UGP2: variants seen among roughly 807,000 people sequenced by gnomAD.
The protein encoded by UGP2 is UDP-glucose pyrophosphorylase 2.
UGP2 carries 40 observed loss-of-function variants against 49.0 expected under a neutral mutation model. The observed-to-expected ratio is 0.82, with a 90% CI of 0.63 to 1.06. UGP2 has a LOEUF of 1.06. Among genes scored for constraint, UGP2 ranks in the 50% least tolerant of loss-of-function variants. The pLI is 0.00. For missense variants in UGP2, 460 were observed against 603.5 expected (o/e 0.76, Z 2.49); for synonymous variants, 225 against 213.0 (o/e 1.06, Z -0.49).
At position 63,856,364 on chromosome 2, in the gene UGP2, A is replaced by G. The variant is rs1364602786; in HGVS notation, c.78A>G (p.Gln26=). The change falls in exon 2 of 10, where the codon CAA becomes CAG. Residue 26 remains glutamine, a synonymous_variant. Transcript: ENST00000337130. The part of the protein sequence containing the change: ...GASQFQEVIR[Q]ELELSVKKEL... The stretch of plus-strand genomic sequence containing the variant: ...CTCAGTTCCAAGAAGTCATTCGGCA[A>G]GAGCTAGAATTATCTGTGAAGAAGG... 4 of 1,614,038 alleles carry G rather than the reference A, an allele frequency of 2.5e-6. No homozygotes were observed. Among genetic ancestry groups the G allele is most frequent in the Non-Finnish European group, 3.4e-6 (4 of 1,180,028 alleles).
chr2:63,887,379 T>C (rs1558964116), intron 7 of UGP2, 23 bp from the exon 8 acceptor site: 1 of 1,613,084 alleles, frequency 6.2e-7, no homozygotes, highest in Admixed American at 1.7e-5. Flanking sequence ...TGTTTTCTAT[T>C]CCCCACCCCT....
chr2:63,868,898 T>C (rs764325186), intron 3 of UGP2, among the ~76,000 whole-genome samples: 2 of 151,150 alleles, frequency 1.3e-5, no homozygotes, highest in Non-Finnish European at 2.9e-5. Context: ...CACTTGAACC[T>C]GGGAGGCAAT....
At chr2:63,891,094 A>G (rs376410286) in intron 9 of UGP2, 26 bp from the exon 10 acceptor site, 198 of 1,590,324 alleles carry the variant, frequency 1.2e-4, no homozygotes, top group Admixed American at 1.9e-4. Flanking sequence ...TTGCAAGTAC[A>G]CTCTTTTGTT....
chr2:63,883,183 GC>G (rs1671430007), intron 4 of UGP2: 1 of 152,198 alleles, frequency 6.6e-6, no homozygotes, highest in Non-Finnish European at 1.5e-5. Flanking sequence ...TGTAGCAGTG[GC>G]TAACATGTAT....
intron 3 of UGP2, among the ~76,000 whole-genome samples, chr2:63,866,472 G>A (rs571490319): frequency 6.6e-6 from 1 of 152,292 alleles, no homozygotes; most frequent in Admixed American, 6.5e-5. Context: ...CAGCTGGTGA[G>A]TTGGTGAAGT....
At chr2:63,864,345 T>G (rs1393792922) in intron 3 of UGP2, among the ~76,000 whole-genome samples, 1 of 152,214 alleles carries the variant, frequency 6.6e-6, no homozygotes, top group Non-Finnish European at 1.5e-5. Context: ...TATCCTGTAG[T>G]AACAACAAGG....
intron 3 of UGP2, among the ~76,000 whole-genome samples, chr2:63,866,897 T>C (rs181175156): frequency 6.6e-6 from 1 of 152,298 alleles, no homozygotes; most frequent in East Asian, 1.9e-4. Flanking sequence ...AATTCCTCAG[T>C]GTGAAACCCC....
At chr2:63,853,196 C>A (rs141132164) in intron 1 of UGP2, among the ~76,000 whole-genome samples, 1 of 152,004 alleles carries the variant, frequency 6.6e-6, no homozygotes, top group Non-Finnish European at 1.5e-5. Flanking sequence ...TAATGGAACC[C>A]CATAAAGAGC....
chr2:63,845,461 T>G (rs993857318), intron 1 of UGP2, among the ~76,000 whole-genome samples: 4 of 151,238 alleles, frequency 2.6e-5, no homozygotes, highest in Non-Finnish European at 4.4e-5. Flanking sequence ...AAGGCAGGTA[T>G]GAAAGTTCTT....
chr2:63,873,641 G>C (rs530109600), intron 3 of UGP2, among the ~76,000 whole-genome samples: 1 of 152,052 alleles, frequency 6.6e-6, no homozygotes, highest in East Asian at 1.9e-4. Context: ...AGGAAAAAGC[G>C]CAAGGCCTTA....
At chr2:63,857,386 C>T (rs544583921) in intron 2 of UGP2, among the ~76,000 whole-genome samples, 5 of 152,084 alleles carry the variant, frequency 3.3e-5, no homozygotes, top group African/African-American at 1.2e-4. Flanking sequence ...GTTTTTGAGA[C>T]AGGATCTCAC....
intron 3 of UGP2, among the ~76,000 whole-genome samples, chr2:63,879,403 T>C (rs1468469981): frequency 6.6e-6 from 1 of 152,242 alleles, no homozygotes; most frequent in Non-Finnish European, 1.5e-5. Flanking sequence ...TGATAAAATA[T>C]TGATGTTACA....
rs939758499 is a variant in UGP2, at chr2:63,884,902, T to TAAAATA, written c.576-670_576-665dup. ...ACAGAGCAAGACCCTATCTCAAAAA[T>TAAAATA]AAAATAAAAATAAAAATAAAAAAGA... On this transcript the variant is annotated intron_variant, in intron 5 of 9. Transcript: ENST00000337130. Among the ~76,000 whole-genome samples the TAAAATA allele has an allele frequency of 1.8e-4, 26 of 142,336 alleles. 1 individual carries two copies. In the South Asian group the frequency reaches 3.9e-3, roughly 21 times the overall value. 93.4% of individuals were successfully genotyped at this position (142,336 alleles called of 152,430 possible). A position where few individuals can be genotyped will look rare whatever the true frequency, so the allele number is the denominator to read the frequency against.
intron 1 of UGP2, chr2:63,855,524 T>TTTTTTTTTTTTTTTTC: frequency 6.8e-6 from 1 of 146,248 alleles, no homozygotes; most frequent in Non-Finnish European, 1.3e-5. Flanking sequence ...TTTTCTGTTT[T>TTTTTTTTTTTTTTTTC]TTTTTTTTTT....
chr2:63,886,427 T>A lies in UGP2; in HGVS notation c.960T>A (p.Ser320=), dbSNP rs778318976. ...AAGCACATGTAGACGAGTTCAAGTC[T>A]GTATCAAAGTTCAAAATATTTAATA... is the stretch of plus-strand genomic sequence containing the variant. ...VPKAHVDEFK[S]VSKFKIFNTN... Residue 320 remains serine, a synonymous_variant, in exon 7 of 10, where the codon TCT becomes TCA. Coordinates refer to ENST00000337130, the MANE Select transcript of UGP2 (RefSeq NM_006759.4). 9.2e-5 allele frequency: 148 copies of A among 1,614,110 alleles called. No homozygotes were observed. In the Admixed American group the frequency reaches 2.4e-3, roughly 27 times the overall value.
intron 3 of UGP2, chr2:63,862,974 C>A (rs1669950634): frequency 2.4e-6 from 1 of 409,126 alleles, no homozygotes; most frequent in African/African-American, 2.1e-5. Flanking sequence ...TTTCCAGCTC[C>A]CTGAGTCATC....
At chr2:63,882,685 A>G in intron 4 of UGP2, 34 bp downstream of exon 4, 1 of 1,459,348 alleles carries the variant, frequency 6.9e-7, no homozygotes, top group Non-Finnish European at 9.1e-7. Flanking sequence ...ATGAGATACT[A>G]AAATAGTTTT....
rs117972628 is a variant in UGP2, at chr2:63,842,536, A to G, written c.19+332A>G. 3.2e-4 allele frequency: 483 copies of G among 1,530,146 alleles called. 5 individuals carry two copies. The East Asian group carries it at 0.01, about 33-fold the overall frequency. 94.8% of individuals were successfully genotyped at this position (1,530,146 alleles called of 1,614,324 possible). A position where few individuals can be genotyped will look rare whatever the true frequency, so the allele number is the denominator to read the frequency against. ...TTGTTCTCTTTTCCTGGTCTGTGTC[A>G]AGGTACCTGTGCGTGCACGCAGACG... On this transcript the variant is annotated intron_variant, in intron 1 of 9. Transcript: ENST00000337130.
intron 3 of UGP2, among the ~76,000 whole-genome samples, chr2:63,872,607 T>C (rs186841085): frequency 1.1e-4 from 17 of 152,298 alleles, no homozygotes; most frequent in African/African-American, 3.8e-4. Context: ...TCACTTACTA[T>C]ATTTTACTGT....
Sources: allele counts gnomAD v4.1 joint callset (sites outside exome capture counted in the v4.1 genomes callset), GRCh38; gene constraint gnomAD v4.1.1; transcripts MANE v1.5; gene names NCBI Gene and HGNC (gene_info 2026-07-23, HGNC 2026-07-21).